AHCYL2: variants seen among roughly 807,000 people sequenced by gnomAD.
AHCYL2 encodes the protein adenosylhomocysteinase like 2, also known as S-adenosylhomocysteine hydrolase-like protein 2.
Under a neutral mutation model 81.4 loss-of-function variants are expected in AHCYL2, and 28 were observed. That is an observed-to-expected ratio of 0.34 (90% CI 0.25 to 0.47). The LOEUF (loss-of-function observed/expected upper bound fraction) is 0.47, where lower values mean the gene tolerates loss of function less well. Ranked by LOEUF, AHCYL2 falls within the 20% of genes least tolerant of loss-of-function variation. The pLI is 1.00. For missense variants in AHCYL2, 551 were observed against 785.1 expected, an observed-to-expected ratio of 0.70 and a Z score of 3.56; for synonymous variants, 272 against 290.2, an observed-to-expected ratio of 0.94 and a Z score of 0.64.
intron 1 of AHCYL2, among the ~76,000 whole-genome samples, chr7:129,247,271 C>T (rs1795094960): frequency 6.6e-6 from 1 of 152,204 alleles, no homozygotes; most frequent in South Asian, 2.1e-4. Flanking sequence ...ACCATCGAAG[C>T]AGTTGTATAG....
At chr7:129,382,263 G>A (rs1190905856) in intron 2 of AHCYL2, among the ~76,000 whole-genome samples, 1 of 152,186 alleles carries the variant, frequency 6.6e-6, no homozygotes, top group Admixed American at 6.5e-5. Flanking sequence ...ATGCAAATAT[G>A]TGTCAATAAA....
chr7:129,272,632 TTATTGG>T (rs1487876131), intron 1 of AHCYL2, among the ~76,000 whole-genome samples: 1 of 152,152 alleles, frequency 6.6e-6, no homozygotes, highest in Admixed American at 6.5e-5. Context: ...GATTCAAGGT[TTATTGG>T]TACTGCCACA....
At position 129,427,843 on chromosome 7, in the gene AHCYL2, G is replaced by C. The variant is rs998636124; in HGVS notation, c.*798G>C. 1.3e-5 allele frequency: 2 copies of C among 152,596 alleles called. No homozygotes were observed. Among genetic ancestry groups the C allele is most frequent in the Non-Finnish European group, 2.9e-5 (2 of 68,028 alleles). The allele number at this position is 152,596 out of a possible 1,614,324, so 9.5% of individuals were successfully genotyped here. On this transcript the variant is annotated 3_prime_UTR_variant, in exon 17 of 17. Transcript: ENST00000325006. This position sits in a 1 kb window ranked among gnomAD's most constrained non-coding sequence, Gnocchi z 5.5. ...CTGGGACCCATAGTTTTACTTCCTT[G>C]TCATTTGATTGGATAGTTTCCAAGG... is the stretch of plus-strand genomic sequence containing the variant.
intron 1 of AHCYL2, among the ~76,000 whole-genome samples, chr7:129,239,210 T>A (rs1378346688): frequency 1.3e-5 from 2 of 152,204 alleles, no homozygotes; most frequent in Non-Finnish European, 2.9e-5. Flanking sequence ...AGAGACAGTT[T>A]ATTAAGTTTG....
At chr7:129,226,287 A>G (rs991844307) in intron 1 of AHCYL2, among the ~76,000 whole-genome samples, 39 of 152,224 alleles carry the variant, frequency 2.6e-4, no homozygotes, top group African/African-American at 9.2e-4. Context: ...GTAACTGCCT[A>G]GGTGGATGAT....
At chr7:129,266,599 AT>A (rs1795819682) in intron 1 of AHCYL2, among the ~76,000 whole-genome samples, 1 of 152,230 alleles carries the variant, frequency 6.6e-6, no homozygotes, top group Non-Finnish European at 1.5e-5. Context: ...TCTAGATAGC[AT>A]AATGGACATA....
chr7:129,396,794 A>C (rs1284512349), intron 4 of AHCYL2, among the ~76,000 whole-genome samples: 1 of 152,126 alleles, frequency 6.6e-6, no homozygotes, highest in Admixed American at 6.5e-5. Context: ...GTCATGACTC[A>C]CTACAACCTC....
At chr7:129,240,320 AC>A (rs1177512176) in intron 1 of AHCYL2, among the ~76,000 whole-genome samples, 2 of 151,564 alleles carry the variant, frequency 1.3e-5, no homozygotes, top group Non-Finnish European at 2.9e-5. Context: ...CCACCCACAC[AC>A]AAAAACACGG....
chr7:129,307,700 G>A (rs1009268688), intron 1 of AHCYL2, among the ~76,000 whole-genome samples: 2 of 151,614 alleles, frequency 1.3e-5, no homozygotes, highest in South Asian at 2.1e-4. Flanking sequence ...CAACACAGTC[G>A]TGAATTTGCT....
chr7:129,250,879 T>G (rs1795224629), intron 1 of AHCYL2, among the ~76,000 whole-genome samples: 1 of 152,242 alleles, frequency 6.6e-6, no homozygotes, highest in Admixed American at 6.5e-5. Flanking sequence ...TCCTTCAGTT[T>G]TTGAATTAGT....
chr7:129,350,731 T>A (rs528600887), intron 1 of AHCYL2, among the ~76,000 whole-genome samples: 108 of 106,096 alleles, frequency 1.0e-3, no homozygotes, highest in African/African-American at 3.0e-3. Context: ...TTTTTTTTTT[T>A]ATCTTTTAGG....
chr7:129,239,952 G>A (rs1408500327), intron 1 of AHCYL2, among the ~76,000 whole-genome samples: 4 of 151,840 alleles, frequency 2.6e-5, no homozygotes, highest in South Asian at 2.1e-4. Flanking sequence ...GGCCGGACGC[G>A]GTGGCTCACG....
rs370715337 is a variant in AHCYL2, at chr7:129,397,263, A to C, written c.762A>C (p.Arg254=). ...ETLGALGAQC[R]WAACNIYSTL... ...TGGGTGCTCTGGGGGCCCAGTGCCG[A>C]TGGGCTGCCTGCAACATCTATTCCA... The change falls in exon 5 of 17, where the codon CGA becomes CGC. Residue 254 remains arginine (R), a synonymous_variant. Transcript: ENST00000325006. The C allele has an allele frequency of 3.8e-5, 61 of 1,614,038 alleles. No homozygotes were observed. The Middle Eastern group carries it at 4.9e-4, about 13-fold the overall frequency.
chr7:129,334,315 A>C (rs1054892649), intron 1 of AHCYL2, among the ~76,000 whole-genome samples: 19 of 151,866 alleles, frequency 1.3e-4, no homozygotes, highest in African/African-American at 4.4e-4. Context: ...AGTCCTCTCT[A>C]TTTTGTTTTT....
rs71162592 is a variant in AHCYL2, at chr7:129,299,369, G to GTTTTTTTTTTTTTTT, written c.363+73958_363+73972dup. 1.7e-4 allele frequency among the ~76,000 whole-genome samples: 8 copies of GTTTTTTTTTTTTTTT among 46,306 alleles called. 1 individual carries two copies. The East Asian group carries it at 2.7e-3, about 16-fold the overall frequency. 30.4% of individuals were successfully genotyped at this position (46,306 alleles called of 152,430 possible). On this transcript the variant is annotated intron_variant, in intron 1 of 16. Transcript: ENST00000325006. Reference sequence around the variant, plus strand: ...AGGCTGAGGTGGGAGAGTCCAACTTGTTTTTTTTTTTTTTTTTTTTTTTTT... The same window carrying GTTTTTTTTTTTTTTT: ...AGGCTGAGGTGGGAGAGTCCAACTTGTTTTTTTTTTTTTTTTTTTTTTTTTTTTTTTTTTTTTTTT...
In AHCYL2 at chr7:129,225,187, C is replaced by A; in HGVS notation, c.111C>A (p.Ala37=). The stretch of plus-strand genomic sequence containing the variant: ...CGCAACTAGGACTGAGCACGGCCGC[C>A]GTGGGCGCCATGGCCCCCCCGGCGG... ...AESQLGLSTA[A]VGAMAPPAGG... Residue 37 remains alanine, a synonymous_variant, in exon 1 of 17, where the codon GCC becomes GCA. Transcript: ENST00000325006. 1 of 1,570,724 alleles carries A rather than the reference C, an allele frequency of 6.4e-7. No homozygotes were observed. Among genetic ancestry groups the A allele is most frequent in the Non-Finnish European group, 8.6e-7 (1 of 1,163,658 alleles).
intron 3 of AHCYL2, 90 bp downstream of exon 3, chr7:129,389,289 G>A (rs1198397282): frequency 2.0e-6 from 3 of 1,489,160 alleles, no homozygotes; most frequent in African/African-American, 2.9e-5. Context: ...CTGGTAGCTT[G>A]TGAAATTTCT....
chr7:129,385,672 G>T (rs564130700), intron 2 of AHCYL2, among the ~76,000 whole-genome samples: 2 of 152,080 alleles, frequency 1.3e-5, no homozygotes, highest in African/African-American at 2.4e-5. Flanking sequence ...GAGGAAAGAG[G>T]GAATCTGTTA....
At chr7:129,394,977 G>A (rs1246557658) in intron 4 of AHCYL2, among the ~76,000 whole-genome samples, 1 of 151,294 alleles carries the variant, frequency 6.6e-6, no homozygotes, top group African/African-American at 2.4e-5. Flanking sequence ...GCCTGCCTCT[G>A]TTGTTTACTT....
Sources: gnomAD v4.1 joint callset for allele counts (sites outside exome capture counted in the v4.1 genomes callset) on GRCh38, gnomAD v4.1.1 for gene constraint, Gnocchi (gnomAD v3.1) non-coding constraint, MANE v1.5 for transcripts, NCBI Gene and HGNC (gene_info 2026-07-23, HGNC 2026-07-21) for gene names.